FRMPD2: variants seen among roughly 807,000 people sequenced by gnomAD.
FRMPD2 encodes FERM and PDZ domain containing 2.
A neutral mutation model predicts 140.1 loss-of-function variants in FRMPD2; 96 were observed. The ratio of observed to expected loss-of-function variants is 0.69; its 90% CI spans 0.58 to 0.81. The LOEUF (loss-of-function observed/expected upper bound fraction) is 0.81. Among genes scored for constraint, FRMPD2 ranks in the 40% least tolerant of loss-of-function variants. The pLI is 0.00. For synonymous variants in FRMPD2, 449 were observed against 547.6 expected (o/e 0.82, Z 2.52); for missense variants, 1,240 against 1,447.4 (o/e 0.86, Z 2.32).
chr10:48,255,087 T>C (rs779753596), intron 1 of FRMPD2, among the ~76,000 whole-genome samples: 1 of 151,846 alleles, frequency 6.6e-6, no homozygotes, highest in African/African-American at 2.4e-5. Context: ...AATGGGCATT[T>C]TGGGGGGGCC....
intron 10 of FRMPD2, among the ~76,000 whole-genome samples, chr10:48,225,925 T>C (rs1317972358): frequency 1.3e-5 from 2 of 152,200 alleles, no homozygotes; most frequent in Non-Finnish European, 2.9e-5. Context: ...ATGGTCCTTC[T>C]TCTGAGTATT....
Position 48,251,517 on chromosome 10 carries a change from C to T in FRMPD2, c.151+49G>A, listed in dbSNP as rs762133479. Reference sequence around the variant, plus strand: ...GCCAGAACTGTGTTTGTGTGGGAAGCTTCACATACAACTCCCTGTGATTTG... The same window carrying T: ...GCCAGAACTGTGTTTGTGTGGGAAGTTTCACATACAACTCCCTGTGATTTG... On this transcript the variant is annotated intron_variant, in intron 2 of 28. Transcript: ENST00000374201. 1.9e-6 allele frequency: 3 copies of T among 1,605,622 alleles called. No individual in the cohort carries two copies. The Admixed American group carries it at 5.0e-5, about 27-fold the overall frequency.
At chr10:48,201,704 T>C (rs960683740) in intron 14 of FRMPD2, 3 of 176,674 alleles carry the variant, frequency 1.7e-5, no homozygotes, top group Non-Finnish European at 3.6e-5. Flanking sequence ...TCAGTGTGCA[T>C]TATGACAAGC....
chr10:48,222,845 C>T (rs1232756933), intron 11 of FRMPD2, among the ~76,000 whole-genome samples: 1 of 152,020 alleles, frequency 6.6e-6, no homozygotes, highest in African/African-American at 2.4e-5. Context: ...GGTGAGGGGG[C>T]ATTTTGGGGT....
intron 4 of FRMPD2, among the ~76,000 whole-genome samples, chr10:48,242,826 C>G (rs1017439755): frequency 6.6e-6 from 1 of 152,230 alleles, no homozygotes; most frequent in African/African-American, 2.4e-5. Flanking sequence ...CACTTCGGAA[C>G]AGCCAGCAGT....
intron 12 of FRMPD2, among the ~76,000 whole-genome samples, chr10:48,212,954 A>G (rs957868677): frequency 1.4e-4 from 22 of 152,232 alleles, no homozygotes; most frequent in African/African-American, 5.3e-4. Flanking sequence ...TTGTATTCCC[A>G]GATCAACATG....
At chr10:48,185,307 G>A (rs963016980) in intron 18 of FRMPD2, among the ~76,000 whole-genome samples, 4 of 151,992 alleles carry the variant, frequency 2.6e-5, no homozygotes, top group Non-Finnish European at 5.9e-5. Context: ...ATGGTATTAG[G>A]GGAAAAAATC....
chr10:48,259,618 A>C (rs973853206), intron 1 of FRMPD2, among the ~76,000 whole-genome samples: 1 of 149,574 alleles, frequency 6.7e-6, no homozygotes, highest in African/African-American at 2.6e-5. Context: ...CCAGTAGTAC[A>C]TGAATGTGTG....
intron 5 of FRMPD2, 75 bp from the exon 6 acceptor site, chr10:48,240,567 C>T (rs545965337): frequency 3.8e-6 from 6 of 1,577,624 alleles, no homozygotes; most frequent in South Asian, 3.3e-5. Flanking sequence ...TGCAAACTGG[C>T]TGTCAGACTG....
chr10:48,220,758 T>A (rs1050413872), intron 12 of FRMPD2, among the ~76,000 whole-genome samples: 1 of 151,958 alleles, frequency 6.6e-6, no homozygotes, highest in African/African-American at 2.4e-5. Flanking sequence ...AGCAAACGAT[T>A]TCATCAGAAA....
Position 48,251,662 on chromosome 10 carries a change from T to C in FRMPD2, c.55A>G (p.Ser19Gly), listed in dbSNP as rs371780266. The C allele has an allele frequency of 1.2e-6, 2 of 1,614,104 alleles. No individual in the cohort carries two copies. Among genetic ancestry groups the C allele is most frequent in the African/African-American group, 1.3e-5 (1 of 74,938 alleles). ...GMSLSSVTLA[S>G]ALQVRGEALS... ...GCTTCACCCCTGACCTGTAGGGCGC[T>C]GGCCAGCGTCACAGAGGACAGGCTC... Residue 19 changes from serine to glycine, a missense_variant, in exon 2 of 29, where the codon AGC (serine) becomes GGC (glycine). Coordinates refer to ENST00000374201, the MANE Select transcript of FRMPD2 (RefSeq NM_001018071.4).
At chr10:48,267,810 A>T (rs768066867) in intron 1 of FRMPD2, among the ~76,000 whole-genome samples, 4 of 152,262 alleles carry the variant, frequency 2.6e-5, no homozygotes, top group Non-Finnish European at 5.9e-5. Context: ...TTACTCAACC[A>T]TAAAAAGAAA....
Position 48,178,091 on chromosome 10 carries a change from C to A in FRMPD2, c.2851G>T (p.Val951Leu), listed in dbSNP as rs782685311. The A allele has an allele frequency of 6.2e-7, 1 of 1,604,718 alleles. No homozygotes were observed. The highest frequency in any genetic ancestry group is 1.1e-5 in the South Asian group (1 of 90,716). ...PEISAGEIYF[V>L]ELVKEDGTLG... Reference sequence around the variant, plus strand: ...GTCCCATCTTCTTTAACCAGTTCCACAAAGTAGATTTCACCAGCACTGATT... The same window carrying A: ...GTCCCATCTTCTTTAACCAGTTCCAAAAAGTAGATTTCACCAGCACTGATT... The change falls in exon 22 of 29, where the codon GTG becomes TTG. Residue 951 changes from valine (V) to leucine (L), a missense_variant. This residue lies in a region of FRMPD2 where 25 missense variants were observed against 41.5 expected (regional missense o/e 0.60). Transcript: ENST00000374201.
rs1259310982 is a variant in FRMPD2 at position 48,156,864 on chromosome 10, G to A, written c.*458C>T. 27 of 227,578 alleles carry A rather than the reference G, an allele frequency of 1.2e-4. 1 individual carries two copies. The highest frequency in any genetic ancestry group is 1.6e-4 in the African/African-American group (7 of 42,796). 14.1% of individuals were successfully genotyped at this position (227,578 alleles called of 1,614,324 possible). On this transcript the variant is annotated 3_prime_UTR_variant, in exon 29 of 29. Transcript: ENST00000374201. ...GAAGCGTCTAGGATTATTGGGACACGTAAATTACATAATTCTGACACAGCC... is the reference window on the plus strand; with the variant it reads ...GAAGCGTCTAGGATTATTGGGACACATAAATTACATAATTCTGACACAGCC...
intron 12 of FRMPD2, among the ~76,000 whole-genome samples, chr10:48,212,468 C>T (rs993987188): frequency 2.6e-5 from 4 of 152,200 alleles, no homozygotes; most frequent in Admixed American, 2.0e-4. Flanking sequence ...GATCACACCA[C>T]TTGGAAGTGA....
intron 4 of FRMPD2, 102 bp from the exon 5 acceptor site, chr10:48,242,454 C>A (rs905571930): frequency 1.8e-5 from 18 of 976,590 alleles, no homozygotes; most frequent in Non-Finnish European, 1.8e-5. Flanking sequence ...AACGGGTGTT[C>A]CCACAAGCAC....
intron 3 of FRMPD2, 87 bp downstream of exon 3, chr10:48,248,934 T>A: frequency 8.0e-7 from 1 of 1,244,332 alleles, no homozygotes; most frequent in Non-Finnish European, 1.1e-6. Flanking sequence ...TCTGCAAGGC[T>A]GAGCTGGGAG....
Position 48,156,656 on chromosome 10 carries a change from T to C in FRMPD2, c.*666A>G, listed in dbSNP as rs74130178. The C allele has an allele frequency of 1.7e-3, 286 of 172,120 alleles. 8 individuals carry two copies. Among genetic ancestry groups the C allele is most frequent in the African/African-American group, 6.6e-3 (266 of 40,152 alleles). 10.7% of individuals were successfully genotyped at this position (172,120 alleles called of 1,614,324 possible). The stretch of plus-strand genomic sequence containing the variant: ...TATGATAGAAGCAGCTGGAGCACCT[T>C]ACCGAGCTCAGGAGACCGGGGGGAT... On this transcript the variant is annotated 3_prime_UTR_variant, in exon 29 of 29. Coordinates refer to ENST00000374201, the MANE Select transcript of FRMPD2 (RefSeq NM_001018071.4).
chr10:48,209,178 G>C (rs1839265191), intron 13 of FRMPD2, among the ~76,000 whole-genome samples: 1 of 152,178 alleles, frequency 6.6e-6, no homozygotes, highest in Non-Finnish European at 1.5e-5. Flanking sequence ...ATTATCAGGA[G>C]AGTGCATTTG....
Sources: allele counts gnomAD v4.1 joint callset (sites outside exome capture counted in the v4.1 genomes callset), GRCh38; gene constraint gnomAD v4.1.1; regional missense constraint gnomAD v4.1.1; transcripts MANE v1.5; gene names NCBI Gene and HGNC (gene_info 2026-07-23, HGNC 2026-07-21).